CAMTA1: variants seen among roughly 807,000 people sequenced by gnomAD.
The protein encoded by CAMTA1 is calmodulin binding transcription activator 1, also known as calmodulin-binding transcription activator 1.
CAMTA1 carries 27 observed loss-of-function variants against 170.9 expected under a neutral mutation model. The observed-to-expected ratio is 0.16, with a 90% CI of 0.12 to 0.22. CAMTA1 has a LOEUF of 0.22. CAMTA1 is among the 10% of genes least tolerant of loss of function. CAMTA1 has a pLI of 1.00. For synonymous variants in CAMTA1, 833 were observed against 891.5 expected (o/e 0.93, Z 1.17); for missense variants, 1,619 against 2,217.2 (o/e 0.73, Z 5.42).
At chr1:7,741,788 G>A (rs908030589) in intron 16 of CAMTA1, among the ~76,000 whole-genome samples, 4 of 151,756 alleles carry the variant, frequency 2.6e-5, no homozygotes, top group South Asian at 2.1e-4. Flanking sequence ...CCAGCTACTC[G>A]GGAGGCTGAG....
At chr1:7,382,257 G>A (rs907655880) in intron 5 of CAMTA1, among the ~76,000 whole-genome samples, 1 of 152,194 alleles carries the variant, frequency 6.6e-6, no homozygotes, top group East Asian at 1.9e-4. Flanking sequence ...CTGGGCAAAG[G>A]GAAACAGATA....
chr1:7,315,952 C>A lies in CAMTA1; in HGVS notation c.438+66326C>A, dbSNP rs547843497. ...AAGAGGTTTAATTGACTCACGGTTC[C>A]ATATGGCTGGGGAGGCCTCAGGAAA... On this transcript the variant is annotated intron_variant, in intron 5 of 22. Coordinates refer to ENST00000303635, the MANE Select transcript of CAMTA1 (RefSeq NM_015215.4). Among the ~76,000 whole-genome samples, 244 of 152,314 alleles carry A rather than the reference C, an allele frequency of 1.6e-3. 1 individual carries two copies. The highest frequency in any genetic ancestry group is 5.8e-3 in the African/African-American group (239 of 41,552).
chr1:7,165,592 T>C (rs752933681), intron 4 of CAMTA1, among the ~76,000 whole-genome samples: 2 of 152,034 alleles, frequency 1.3e-5, no homozygotes, highest in Non-Finnish European at 1.5e-5. Flanking sequence ...CCACCATGCC[T>C]GACTAATTTT....
chr1:7,308,246 T>C (rs1360638093), intron 5 of CAMTA1, among the ~76,000 whole-genome samples: 1 of 73,944 alleles, frequency 1.4e-5, no homozygotes, highest in Non-Finnish European at 2.5e-5. Flanking sequence ...TCTTTCTTTT[T>C]CCTTTGTTAG....
intron 5 of CAMTA1, among the ~76,000 whole-genome samples, chr1:7,372,872 G>A (rs72865630): frequency 0.032 from 4,804 of 152,292 alleles, 218 homozygotes; most frequent in African/African-American, 0.094. Context: ...ATCCTACAAT[G>A]CTTCTCCCTT....
chr1:7,523,838 G>C (rs539106868), intron 6 of CAMTA1, among the ~76,000 whole-genome samples: 1 of 150,800 alleles, frequency 6.6e-6, no homozygotes, highest in Non-Finnish European at 1.5e-5. Flanking sequence ...AGCCAAGATC[G>C]CACCACTGCA....
chr1:7,275,878 C>T (rs1051859715), intron 5 of CAMTA1, among the ~76,000 whole-genome samples: 2 of 152,060 alleles, frequency 1.3e-5, no homozygotes, highest in African/African-American at 4.8e-5. Context: ...GATGATAGAA[C>T]ACTTGTCAGG....
At chr1:6,931,112 C>T (rs1684337148) in intron 3 of CAMTA1, among the ~76,000 whole-genome samples, 1 of 152,164 alleles carries the variant, frequency 6.6e-6, no homozygotes, top group Non-Finnish European at 1.5e-5. Context: ...CCGTTCATAC[C>T]CCCAGTGGTT....
intron 5 of CAMTA1, among the ~76,000 whole-genome samples, chr1:7,370,914 C>CTTTTTTTTTTTTTTTT (rs61387662): frequency 6.5e-4 from 71 of 110,008 alleles, no homozygotes; most frequent in Non-Finnish European, 9.4e-4. Context: ...TTCTTTCTTT[C>CTTTTTTTTTTTTTTTT]TTTTTTTTTT....
intron 5 of CAMTA1, among the ~76,000 whole-genome samples, chr1:7,451,873 G>A (rs981761630): frequency 2.0e-5 from 3 of 152,224 alleles, no homozygotes; most frequent in African/African-American, 7.2e-5. Context: ...TGGGCCGCGT[G>A]TGCAGACCCA....
rs890087275 is a variant in CAMTA1, at chr1:6,939,623, C to T, written c.234+114413C>T. Among the ~76,000 whole-genome samples the T allele has an allele frequency of 9.2e-5, 14 of 152,164 alleles. No individual in the cohort carries two copies. In the East Asian group the frequency reaches 1.7e-3, roughly 19 times the overall value. On this transcript the variant is annotated intron_variant, in intron 3 of 22. Transcript: ENST00000303635. ...TCCTGCTTAGCCTGGTCCCCTGTGGCGAGAGTTCTTCCTCTCCACCTTCTG... is the reference window on the plus strand; with the variant it reads ...TCCTGCTTAGCCTGGTCCCCTGTGGTGAGAGTTCTTCCTCTCCACCTTCTG...
At chr1:7,313,013 T>C (rs1265107570) in intron 5 of CAMTA1, among the ~76,000 whole-genome samples, 1 of 152,234 alleles carries the variant, frequency 6.6e-6, no homozygotes, top group Admixed American at 6.5e-5. Flanking sequence ...GTGTTTATAC[T>C]AATTGGATTA....
At chr1:7,183,099 T>A (rs1030006871) in intron 4 of CAMTA1, among the ~76,000 whole-genome samples, 2 of 152,198 alleles carry the variant, frequency 1.3e-5, no homozygotes, top group African/African-American at 4.8e-5. Flanking sequence ...CTGCAGGCTG[T>A]ACAGGAAGCA....
intron 1 of CAMTA1, among the ~76,000 whole-genome samples, chr1:6,788,159 C>T (rs1639962948): frequency 6.8e-6 from 1 of 146,196 alleles, no homozygotes; most frequent in Non-Finnish European, 1.5e-5. Context: ...CTCCTCAGGT[C>T]TCCCTCCCTC....
intron 3 of CAMTA1, among the ~76,000 whole-genome samples, chr1:6,845,158 G>C (rs1383409974): frequency 2.0e-5 from 3 of 152,252 alleles, no homozygotes; most frequent in Non-Finnish European, 1.5e-5. Context: ...ACAAAGGAAA[G>C]CTGATGAAAA....
chr1:6,931,001 C>G (rs1684311444), intron 3 of CAMTA1, among the ~76,000 whole-genome samples: 1 of 152,216 alleles, frequency 6.6e-6, no homozygotes, highest in Non-Finnish European at 1.5e-5. Flanking sequence ...GGCTTTGATT[C>G]TTCTGTTCTC....
At chr1:6,799,592 G>A (rs1356334722) in intron 1 of CAMTA1, among the ~76,000 whole-genome samples, 3 of 152,166 alleles carry the variant, frequency 2.0e-5, no homozygotes, top group African/African-American at 7.2e-5. Flanking sequence ...CAGCTCTTAT[G>A]TAATGAGATA....
At chr1:6,876,423 G>A (rs1669906708) in intron 3 of CAMTA1, among the ~76,000 whole-genome samples, 1 of 151,382 alleles carries the variant, frequency 6.6e-6, no homozygotes, top group Non-Finnish European at 1.5e-5. Context: ...GTGCAATGGT[G>A]TGATCTTAAC....
chr1:7,381,372 T>G (rs975539807), intron 5 of CAMTA1, among the ~76,000 whole-genome samples: 2 of 150,606 alleles, frequency 1.3e-5, no homozygotes, highest in Non-Finnish European at 2.9e-5. Flanking sequence ...TTCTCATTGT[T>G]CAATTCCCAC....
Sources: gnomAD v4.1 joint callset for allele counts (sites outside exome capture counted in the v4.1 genomes callset) on GRCh38, gnomAD v4.1.1 for gene constraint, MANE v1.5 for transcripts, NCBI Gene and HGNC (gene_info 2026-07-23, HGNC 2026-07-21) for gene names.